SCRN1: variants seen among roughly 807,000 people sequenced by gnomAD.
SCRN1 encodes secernin 1.
In SCRN1, 19 loss-of-function variants were observed where a neutral mutation model predicts 43.3. The ratio of observed to expected loss-of-function variants is 0.44; its 90% confidence interval spans 0.31 to 0.64. SCRN1 has a LOEUF of 0.64. Among genes scored for constraint, SCRN1 ranks in the 30% least tolerant of loss-of-function variants. SCRN1 has a pLI of 0.09. For missense variants in SCRN1, 447 were observed against 524.1 expected (o/e 0.85, Z 1.44); for synonymous variants, 183 against 188.9 (o/e 0.97, Z 0.26).
At chr7:29,973,205 T>G (rs1047196643) in intron 1 of SCRN1, among the ~76,000 whole-genome samples, 1 of 152,246 alleles carries the variant, frequency 6.6e-6, no homozygotes, top group Non-Finnish European at 1.5e-5. Context: ...AAGGTAATCA[T>G]AGCTGTAGAT....
intron 3 of SCRN1, 65 bp from the exon 4 acceptor site, chr7:29,944,244 C>T: frequency 6.7e-7 from 1 of 1,497,714 alleles, no homozygotes; most frequent in Non-Finnish European, 9.3e-7. Flanking sequence ...ACTAGAGTAA[C>T]CAAAGACTGG....
chr7:29,926,023 C>A (rs957805339), intron 7 of SCRN1, among the ~76,000 whole-genome samples: 1 of 152,174 alleles, frequency 6.6e-6, no homozygotes, highest in Admixed American at 6.5e-5. Flanking sequence ...GCACCACCAG[C>A]CAACTCCAGA....
chr7:29,951,265 C>T (rs1255583324), intron 3 of SCRN1, among the ~76,000 whole-genome samples: 1 of 152,252 alleles, frequency 6.6e-6, no homozygotes, highest in East Asian at 1.9e-4. Flanking sequence ...GCCCATCCCG[C>T]CACAGCTGGC....
At chr7:29,986,321 G>A (rs1161847019) in intron 1 of SCRN1, among the ~76,000 whole-genome samples, 3 of 152,162 alleles carry the variant, frequency 2.0e-5, no homozygotes, top group Admixed American at 6.5e-5. Flanking sequence ...GAAACTCATG[G>A]AATTATTTTT....
At position 29,950,135 on chromosome 7, in the gene SCRN1, C is replaced by T. The variant is rs79582047; in HGVS notation, c.341+5044G>A. On this transcript the variant is annotated intron_variant, in intron 3 of 7. Coordinates refer to ENST00000242059, the MANE Select transcript of SCRN1 (RefSeq NM_014766.5). The surrounding 1 kb of genome is among the most constrained non-coding windows in gnomAD (Gnocchi z 4.5). ...CTGGGCATCCCTGCACTCTCAGGAG[C>T]CCAGGAAGCCCTTGCCCCTACAGGC... Among the ~76,000 whole-genome samples the T allele has an allele frequency of 0.02, 3,083 of 152,306 alleles. 48 individuals are homozygous for T. The highest frequency in any genetic ancestry group is 0.068 in the East Asian group (350 of 5,168).
chr7:29,982,931 C>T (rs1214688788), intron 1 of SCRN1, among the ~76,000 whole-genome samples: 1 of 151,972 alleles, frequency 6.6e-6, no homozygotes, highest in Non-Finnish European at 1.5e-5. Context: ...CTCCACCTCC[C>T]GGGTTCAAGC....
chr7:29,938,375 C>A (rs909787385), intron 5 of SCRN1, among the ~76,000 whole-genome samples: 1 of 152,206 alleles, frequency 6.6e-6, no homozygotes, highest in Non-Finnish European at 1.5e-5. Context: ...TGTAGTTTCG[C>A]ACAGTGTAAG....
intron 2 of SCRN1, among the ~76,000 whole-genome samples, chr7:29,960,821 G>T (rs971040109): frequency 6.6e-6 from 1 of 152,088 alleles, no homozygotes; most frequent in Non-Finnish European, 1.5e-5. Context: ...AAGTTGAGAT[G>T]AGTTCTCTGA....
rs1369040990 is a variant in SCRN1, at chr7:29,921,698, G to C, written c.*2259C>G. The stretch of plus-strand genomic sequence containing the variant: ...TCTCAATTAGGGTTGCCTTCTTTAA[G>C]ATGCTTGACCAAGGTCAATGTACCC... On this transcript the variant is annotated 3_prime_UTR_variant, in exon 8 of 8. Coordinates refer to ENST00000242059, the MANE Select transcript of SCRN1 (RefSeq NM_014766.5). 1.3e-5 allele frequency: 2 copies of C among 152,252 alleles called. No individual in the cohort carries two copies. Among genetic ancestry groups the C allele is most frequent in the Non-Finnish European group, 2.9e-5 (2 of 68,058 alleles). The allele number at this position is 152,252 out of a possible 1,614,324, so 9.4% of individuals were successfully genotyped here.
At position 29,980,423 on chromosome 7, in the gene SCRN1, T is replaced by G. The variant is rs114798788; in HGVS notation, c.-2+9219A>C. 3.5e-3 allele frequency among the ~76,000 whole-genome samples: 529 copies of G among 152,308 alleles called. 6 individuals are homozygous for G. Among genetic ancestry groups the G allele is most frequent in the African/African-American group, 0.012 (516 of 41,554 alleles). On this transcript the variant is annotated intron_variant, in intron 1 of 7. Transcript: ENST00000242059. ...GTTGCTTTGAATTATGACCTTCCTATTCCCACCATCTGTCTTCCTCTCCCA... is the reference window on the plus strand; with the variant it reads ...GTTGCTTTGAATTATGACCTTCCTAGTCCCACCATCTGTCTTCCTCTCCCA...
chr7:29,937,287 C>G (rs1787372404), intron 5 of SCRN1, among the ~76,000 whole-genome samples: 1 of 152,192 alleles, frequency 6.6e-6, no homozygotes, highest in African/African-American at 2.4e-5. Flanking sequence ...CTCATCACAT[C>G]TATAAACAAG....
At chr7:29,969,931 T>A in intron 1 of SCRN1, 1 of 455,442 alleles carries the variant, frequency 2.2e-6, no homozygotes, top group Non-Finnish European at 4.4e-6. Flanking sequence ...TTCTCCATTA[T>A]CTAATATATC....
intron 6 of SCRN1, among the ~76,000 whole-genome samples, chr7:29,928,845 T>C (rs1223847631): frequency 6.6e-6 from 1 of 152,236 alleles, no homozygotes; most frequent in Non-Finnish European, 1.5e-5. Context: ...AAAGGAATTA[T>C]TGCAAAACCT....
intron 3 of SCRN1, among the ~76,000 whole-genome samples, chr7:29,945,765 A>G (rs1033606292): frequency 6.6e-6 from 1 of 151,768 alleles, no homozygotes; most frequent in Non-Finnish European, 1.5e-5. Context: ...AAACAATACT[A>G]CCTCCCTCTC....
At chr7:29,958,556 G>C (rs575006080) in intron 2 of SCRN1, among the ~76,000 whole-genome samples, 1 of 152,262 alleles carries the variant, frequency 6.6e-6, no homozygotes, top group South Asian at 2.1e-4. Flanking sequence ...CTTTCAGTGT[G>C]GCAAAAACAA....
At chr7:29,934,164 G>T (rs1046560673) in intron 6 of SCRN1, among the ~76,000 whole-genome samples, 2 of 151,976 alleles carry the variant, frequency 1.3e-5, no homozygotes, top group African/African-American at 4.8e-5. Flanking sequence ...CTTCCAGAAG[G>T]GTCTTAATCT....
chr7:29,941,548 A>C (rs553205149), intron 4 of SCRN1, among the ~76,000 whole-genome samples: 1 of 152,334 alleles, frequency 6.6e-6, no homozygotes, highest in South Asian at 2.1e-4. Flanking sequence ...GTGTGTGCAC[A>C]CATGCGTGTG....
At chr7:29,948,657 CA>C (rs1218427914) in intron 3 of SCRN1, among the ~76,000 whole-genome samples, 2 of 152,018 alleles carry the variant, frequency 1.3e-5, no homozygotes, top group African/African-American at 4.8e-5. Context: ...ATGGGACTAG[CA>C]AAAGTCAGCA....
At chr7:29,932,178 T>C (rs1285965640) in intron 6 of SCRN1, among the ~76,000 whole-genome samples, 4 of 152,104 alleles carry the variant, frequency 2.6e-5, no homozygotes, top group South Asian at 4.2e-4. Flanking sequence ...GTTGGAAGAA[T>C]TCAGAATGGA....
Sources: allele counts gnomAD v4.1 joint callset (sites outside exome capture counted in the v4.1 genomes callset), GRCh38; gene constraint gnomAD v4.1.1; non-coding constraint Gnocchi (gnomAD v3.1); transcripts MANE v1.5; gene names NCBI Gene and HGNC (gene_info 2026-07-23, HGNC 2026-07-21).